Variants in C11orf24 observed in about 807,000 individuals in gnomAD.
The protein encoded by C11orf24 is chromosome 11 open reading frame 24.
In C11orf24, 5 loss-of-function variants were observed where a neutral mutation model predicts 7.3. That is an observed-to-expected ratio of 0.69 (90% confidence interval 0.36 to 1.45). The LOEUF is 1.45. Ranked by LOEUF, C11orf24 falls within the 40% of genes most tolerant of loss-of-function variation. The pLI is 0.03. For missense variants in C11orf24, 566 were observed against 590.5 expected (o/e 0.96, Z 0.43); for synonymous variants, 233 against 235.7 (o/e 0.99, Z 0.11).
intron 1 of C11orf24, among the ~76,000 whole-genome samples, chr11:68,270,203 C>T (rs192984346): frequency 8.7e-4 from 133 of 152,248 alleles, no homozygotes; most frequent in African/African-American, 3.0e-3. Flanking sequence ...GATGGAAAGA[C>T]GGAAGGTTAG....
rs531359742 is a variant in C11orf24, at chr11:68,261,768, C to T, written c.1227G>A (p.Gly409=). 2 of 1,614,204 alleles carry T rather than the reference C, an allele frequency of 1.2e-6. No homozygotes were observed. Among genetic ancestry groups the T allele is most frequent in the South Asian group, 1.1e-5 (1 of 91,086 alleles). The part of the protein sequence containing the change: ...KTLLLVVLLL[G]VTLFITVLVL... ...CCAAGACTGTGATGAAAAGGGTCACCCCGAGTAACAGCACCACCAGAAGGA... is the reference window on the plus strand; with the variant it reads ...CCAAGACTGTGATGAAAAGGGTCACTCCGAGTAACAGCACCACCAGAAGGA... The change falls in exon 4 of 4, where the codon GGG becomes GGA. Residue 409 remains glycine (G), a synonymous_variant. Coordinates refer to ENST00000304271, the MANE Select transcript of C11orf24 (RefSeq NM_022338.4).
At position 68,261,870 on chromosome 11, in the gene C11orf24, C is replaced by A. The variant is rs542980948; in HGVS notation, c.1125G>T (p.Ser375=). ...ACTGGCCTTGGGTGCTGGGCTGGCA[C>A]GAGTCCGTGGCTGGCATCTTAGTGC... ...SGGTKMPATD[S]CQPSTQGQYM... The change falls in exon 4 of 4, where the codon TCG becomes TCT. Residue 375 remains serine (S), a synonymous_variant. Transcript: ENST00000304271. 1.8e-5 allele frequency: 29 copies of A among 1,614,062 alleles called. No homozygotes were observed. Among genetic ancestry groups the A allele is most frequent in the Middle Eastern group, 3.3e-4 (2 of 6,062 alleles).
At chr11:68,264,636 ACCCAC>A (rs2098563976) in intron 2 of C11orf24, among the ~76,000 whole-genome samples, 1 of 33,510 alleles carries the variant, frequency 3.0e-5, no homozygotes, top group African/African-American at 1.0e-4. Flanking sequence ...CCATCCATCC[ACCCAC>A]TCATCCATCC....
intron 2 of C11orf24, among the ~76,000 whole-genome samples, chr11:68,266,579 G>A (rs948689729): frequency 1.3e-5 from 2 of 152,142 alleles, no homozygotes; most frequent in Admixed American, 6.5e-5. Flanking sequence ...GATCTAGAGT[G>A]CAAAAAGCAT....
At chr11:68,264,706 A>ATG in intron 2 of C11orf24, among the ~76,000 whole-genome samples, 1 of 23,512 alleles carries the variant, frequency 4.3e-5, no homozygotes, top group East Asian at 1.0e-3. Context: ...CCACCCACCC[A>ATG]CCCATCCATG....
chr11:68,261,704 T>C lies in C11orf24; in HGVS notation c.1291A>G (p.Lys431Glu). The C allele has an allele frequency of 6.2e-7, 1 of 1,614,094 alleles. No individual in the cohort carries two copies. The highest frequency in any genetic ancestry group is 8.5e-7 in the Non-Finnish European group (1 of 1,179,976). ...AAGTAGTCCACCTGGGTGTAGTCCT[T>C]CTTCTTGTAGCTCTCATAGGCCTGC... The part of the protein sequence containing the change: ...ALQAYESYKK[K>E]DYTQVDYLIN... The change falls in exon 4 of 4, where the codon AAG becomes GAG. Residue 431 changes from lysine to glutamate, a missense_variant. Physicochemically the swap from Lys to Glu is moderately conservative, Grantham distance 56. Coordinates refer to ENST00000304271, the MANE Select transcript of C11orf24 (RefSeq NM_022338.4).
rs1186965198 is a variant in C11orf24, at chr11:68,262,167, C to T, written c.828G>A (p.Met276Ile). The T allele has an allele frequency of 2.5e-6, 4 of 1,613,820 alleles. No homozygotes were observed. The highest frequency in any genetic ancestry group is 2.7e-5 in the African/African-American group (2 of 74,894). Residue 276 changes from methionine to isoleucine, a missense_variant, in exon 4 of 4, where the codon ATG (methionine) becomes ATA (isoleucine). Coordinates refer to ENST00000304271, the MANE Select transcript of C11orf24 (RefSeq NM_022338.4). ...VVNTTNKSTP[M>I]PSNTTPEPAP... ...CGGGCTCTGGGGTTGTGTTTGAGGG[C>T]ATGGGTGTGGATTTATTTGTTGTGT...
chr11:68,263,171 G>C (rs1373387957), intron 3 of C11orf24: 4 of 541,306 alleles, frequency 7.4e-6, no homozygotes, highest in Non-Finnish European at 1.3e-5. Flanking sequence ...CCCATTGAAG[G>C]CTTCAGACCT....
chr11:68,271,125 G>T (rs747826195), intron 1 of C11orf24, among the ~76,000 whole-genome samples: 5 of 152,186 alleles, frequency 3.3e-5, no homozygotes, highest in Non-Finnish European at 7.4e-5. Context: ...GTATTTTAAA[G>T]ATTTTCCTAG....
intron 3 of C11orf24, chr11:68,263,263 C>T (rs193079810): frequency 5.1e-5 from 21 of 413,288 alleles, no homozygotes; most frequent in Admixed American, 1.2e-4. Context: ...GCCCACTGAA[C>T]GCACACCCAG....
chr11:68,261,595 AAGGAAAGGACGAGGAAGGGGCCAGG>A lies in C11orf24; in HGVS notation c.*25_*49del. The A allele has an allele frequency of 6.6e-7, 1 of 1,520,166 alleles. No homozygotes were observed. Among genetic ancestry groups the A allele is most frequent in the Non-Finnish European group, 8.9e-7 (1 of 1,128,548 alleles). 94.2% of individuals were successfully genotyped at this position (1,520,166 alleles called of 1,614,324 possible). The stretch of plus-strand genomic sequence containing the variant: ...GCACTTGGTTTGGTCTCAAAGGCAA[AAGGAAAGGACGAGGAAGGGGCCAGG>A]CCTCCCGCCAGGCCCCCGCCCCCCT... On this transcript the variant is annotated 3_prime_UTR_variant, in exon 4 of 4. Coordinates refer to ENST00000304271, the MANE Select transcript of C11orf24 (RefSeq NM_022338.4).
intron 2 of C11orf24, chr11:68,267,838 A>G: frequency 6.6e-6 from 1 of 152,348 alleles, no homozygotes; most frequent in South Asian, 2.1e-4. Context: ...GGACCACAGA[A>G]CCAGACATTG....
chr11:68,261,920 C>T lies in C11orf24; in HGVS notation c.1075G>A (p.Gly359Arg), dbSNP rs529179236. 1 of 1,613,950 alleles carries T rather than the reference C, an allele frequency of 6.2e-7. No individual in the cohort carries two copies. The highest frequency in any genetic ancestry group is 1.1e-5 in the South Asian group (1 of 91,090). Residue 359 changes from glycine (G) to arginine (R), a missense_variant, in exon 4 of 4, where the codon GGG (glycine) becomes AGG (arginine). Coordinates refer to ENST00000304271, the MANE Select transcript of C11orf24 (RefSeq NM_022338.4). ...TEATPGTDSTGPTPRSSGGTK... is the reference protein window; with the variant it reads ...TEATPGTDSTRPTPRSSGGTK... ...CCCCCTGAGCTCCTGGGTGTTGGCCCAGTGGAATCAGTACCTGGTGTGGCT... is the reference window on the plus strand; with the variant it reads ...CCCCCTGAGCTCCTGGGTGTTGGCCTAGTGGAATCAGTACCTGGTGTGGCT...
At chr11:68,265,420 C>A (rs2098564605) in intron 2 of C11orf24, among the ~76,000 whole-genome samples, 2 of 152,194 alleles carry the variant, frequency 1.3e-5, no homozygotes, top group South Asian at 4.1e-4. Context: ...CTGCAGTGGT[C>A]CCCACAGCCG....
At chr11:68,265,107 G>C (rs1456698094) in intron 2 of C11orf24, among the ~76,000 whole-genome samples, 3 of 152,088 alleles carry the variant, frequency 2.0e-5, no homozygotes, top group Non-Finnish European at 4.4e-5. Flanking sequence ...GCTGGGTGGG[G>C]GTGGGCAGGC....
chr11:68,262,066 T>C lies in C11orf24; in HGVS notation c.929A>G (p.His310Arg). Residue 310 changes from histidine (H) to arginine (R), a missense_variant, in exon 4 of 4, where the codon CAC becomes CGC. By Grantham distance (29) the His-to-Arg change is conservative (BLOSUM62 0). Coordinates refer to ENST00000304271, the MANE Select transcript of C11orf24 (RefSeq NM_022338.4). ...EPTASPVPVP[H>R]TSPIPEMEAM... is the part of the protein sequence containing the mutation. ...CTCCATCTCAGGGATTGGGCTGGTG[T>C]GAGGTACTGGCACTGGGCTGGCAGT... is the stretch of plus-strand genomic sequence containing the variant. 1 of 1,612,506 alleles carries C rather than the reference T, an allele frequency of 6.2e-7. No homozygotes were observed. Among genetic ancestry groups the C allele is most frequent in the Non-Finnish European group, 8.5e-7 (1 of 1,179,776 alleles).
rs1455832878 is a variant in C11orf24, at chr11:68,261,662, C to T, written c.1333G>A (p.Ala445Thr). 1 of 1,609,758 alleles carries T rather than the reference C, an allele frequency of 6.2e-7. No individual in the cohort carries two copies. The highest frequency in any genetic ancestry group is 2.2e-5 in the East Asian group (1 of 44,756). ...QVDYLINGMY[A>T]DSEM ...CGCCCCCCTCACATTTCTGAGTCCGCATACATCCCGTTGATTAAGTAGTCC... is the reference window on the plus strand; with the variant it reads ...CGCCCCCCTCACATTTCTGAGTCCGTATACATCCCGTTGATTAAGTAGTCC... The change falls in exon 4 of 4, where the codon GCG becomes ACG. Residue 445 changes from alanine to threonine, a missense_variant. Coordinates refer to ENST00000304271, the MANE Select transcript of C11orf24 (RefSeq NM_022338.4).
At chr11:68,268,788 T>C (rs1375017675) in intron 1 of C11orf24, among the ~76,000 whole-genome samples, 1 of 152,206 alleles carries the variant, frequency 6.6e-6, no homozygotes, top group Non-Finnish European at 1.5e-5. Context: ...CCAAAGATGA[T>C]CTACAAAGAT....
At chr11:68,265,807 T>A (rs140239139) in intron 2 of C11orf24, among the ~76,000 whole-genome samples, 1 of 152,248 alleles carries the variant, frequency 6.6e-6, no homozygotes, top group African/African-American at 2.4e-5. Flanking sequence ...TATAAAAAAA[T>A]TATTTGGTTT....
Sources: gnomAD v4.1 joint callset for allele counts (sites outside exome capture counted in the v4.1 genomes callset) on GRCh38, gnomAD v4.1.1 for gene constraint, MANE v1.5 for transcripts, NCBI Gene and HGNC (gene_info 2026-07-23, HGNC 2026-07-21) for gene names.